Variants in IL2RB observed in about 807,000 individuals in gnomAD.
The protein encoded by IL2RB is interleukin-2 receptor subunit beta.
In IL2RB, 17 loss-of-function variants were observed where a neutral mutation model predicts 44.2. The observed-to-expected ratio is 0.38, with a 90% confidence interval of 0.26 to 0.58. IL2RB has a LOEUF of 0.58. Ranked by LOEUF, IL2RB falls within the 20% of genes least tolerant of loss-of-function variation. IL2RB has a pLI of 0.63. For missense variants in IL2RB, 624 were observed against 685.5 expected (o/e 0.91, Z 1.00); for synonymous variants, 286 against 297.9 (o/e 0.96, Z 0.41).
intron 8 of IL2RB, 90 bp from the exon 9 acceptor site, chr22:37,132,558 A>T: frequency 5.9e-6 from 5 of 847,144 alleles, no homozygotes; most frequent in Non-Finnish European, 9.7e-6. Flanking sequence ...GATGCCAGGC[A>T]CGGAGCCGCA....
chr22:37,142,536 T>C, intron 3 of IL2RB, 24 bp from the exon 4 acceptor site: 2 of 1,611,608 alleles, frequency 1.2e-6, no homozygotes, highest in Non-Finnish European at 1.7e-6. Flanking sequence ...AGACCCTCTT[T>C]AGAAGAACAG....
intron 1 of IL2RB, among the ~76,000 whole-genome samples, chr22:37,163,717 A>C (rs541382397): frequency 8.5e-5 from 13 of 152,192 alleles, no homozygotes; most frequent in Non-Finnish European, 1.2e-4. Context: ...CGGGGCTGCT[A>C]CCTGAGTGGA....
In IL2RB at chr22:37,174,365, G is replaced by A. The variant is rs562992096; in HGVS notation, c.-34+593C>T. On this transcript the variant is annotated intron_variant, in intron 1 of 5. Transcript: ENST00000429622. ...AGGTCACCATGGTAATGGTGGCTTCGGTTGTTTTTCAGGAATTGGGCCAGC... is the reference window on the plus strand; with the variant it reads ...AGGTCACCATGGTAATGGTGGCTTCAGTTGTTTTTCAGGAATTGGGCCAGC... 5.3e-5 allele frequency among the ~76,000 whole-genome samples: 8 copies of A among 152,272 alleles called. No individual in the cohort carries two copies. In the East Asian group the frequency reaches 7.7e-4, roughly 15 times the overall value.
chr22:37,144,141 G>A lies in IL2RB; in HGVS notation c.32C>T (p.Pro11Leu), dbSNP rs1453524501. The change falls in exon 2 of 10, where the codon CCC becomes CTC. Residue 11 changes from proline to leucine, a missense_variant. Pro to Leu is a moderately conservative substitution (Grantham distance 98, BLOSUM62 -3). This residue lies in a region of IL2RB where 78 missense variants were observed against 70.0 expected (regional missense o/e 1.11). Transcript: ENST00000216223. ...CAGGGGCAGGAGGAGGATGAGGAGG[G>A]GCAGACGCCAGGACAGAGCAGGGGC... MAAPALSWRLPLLILLLPLAT... is the reference protein window; with the variant it reads MAAPALSWRLLLLILLLPLAT... 6.4e-7 allele frequency: 1 copy of A among 1,552,214 alleles called. No individual in the cohort carries two copies. Among genetic ancestry groups the A allele is most frequent in the Non-Finnish European group, 8.7e-7 (1 of 1,147,252 alleles).
intron 1 of IL2RB, among the ~76,000 whole-genome samples, chr22:37,171,038 C>T (rs1435168854): frequency 6.6e-6 from 1 of 152,006 alleles, no homozygotes; most frequent in Non-Finnish European, 1.5e-5. Flanking sequence ...GGCTGGAGTG[C>T]AGTGGCACAA....
intron 1 of IL2RB, among the ~76,000 whole-genome samples, chr22:37,161,426 C>T (rs1416702460): frequency 6.6e-6 from 1 of 152,154 alleles, no homozygotes; most frequent in Non-Finnish European, 1.5e-5. Flanking sequence ...GAGTCTCCTA[C>T]CCTAACCAGT....
chr22:37,144,520 G>T (rs3218352), intron 1 of IL2RB, among the ~76,000 whole-genome samples: 5 of 152,164 alleles, frequency 3.3e-5, no homozygotes, highest in Admixed American at 3.3e-4. Flanking sequence ...CGAGGCAGAC[G>T]AATCACCTGA....
intron 9 of IL2RB, among the ~76,000 whole-genome samples, chr22:37,131,497 G>A (rs1343638696): frequency 6.6e-6 from 1 of 152,244 alleles, no homozygotes; most frequent in Non-Finnish European, 1.5e-5. Flanking sequence ...CGGAATCTGA[G>A]ATGGAGTTTA....
At chr22:37,173,237 A>C (rs1160934943) in intron 1 of IL2RB, among the ~76,000 whole-genome samples, 4 of 151,706 alleles carry the variant, frequency 2.6e-5, no homozygotes, top group African/African-American at 9.7e-5. Context: ...CTCCCTCCCA[A>C]ATTTGCTTCT....
At chr22:37,150,300 A>G (rs3218249), upstream of IL2RB, among the ~76,000 whole-genome samples, 12 of 152,140 alleles carry the variant, frequency 7.9e-5, no homozygotes, top group African/African-American at 2.4e-4. Context: ...GCTTCACACA[A>G]GCAGGTCCCT....
Position 37,144,154 on chromosome 22 carries a change from A to T in IL2RB, c.19T>A (p.Ser7Thr). Reference protein sequence around the residue: MAAPALSWRLPLLILLL... With the variant: MAAPALTWRLPLLILLL... Reference sequence around the variant, plus strand: ...AGGATGAGGAGGGGCAGACGCCAGGACAGAGCAGGGGCCGCCATTACATCC... The same window carrying T: ...AGGATGAGGAGGGGCAGACGCCAGGTCAGAGCAGGGGCCGCCATTACATCC... The change falls in exon 2 of 10, where the codon TCC becomes ACC. Residue 7 changes from serine (S) to threonine (T), a missense_variant. Around this residue, in one of 3 missense-constraint regions of IL2RB, gnomAD observed 78 missense variants for 70.0 expected, o/e 1.11. Transcript: ENST00000216223. The T allele has an allele frequency of 6.4e-7, 1 of 1,551,814 alleles. No individual in the cohort carries two copies. Among genetic ancestry groups the T allele is most frequent in the Non-Finnish European group, 8.7e-7 (1 of 1,147,086 alleles).
chr22:37,128,147 G>A lies in IL2RB; in HGVS notation c.1605C>T (p.Ala535=), dbSNP rs1471145029. Residue 535 remains alanine (A), a synonymous_variant, in exon 10 of 10, where the codon GCC becomes GCT. Transcript: ENST00000216223. The surrounding 1 kb of genome is among the most constrained non-coding windows in gnomAD (Gnocchi z 4.5). ...CCTGGAGTTCTTGGAGGGACAAGTAGGCATCAGTGTTCAGGGGCAGGCGAG... is the reference window on the plus strand; with the variant it reads ...CCTGGAGTTCTTGGAGGGACAAGTAAGCATCAGTGTTCAGGGGCAGGCGAG... ...LNARLPLNTD[A]YLSLQELQGQ... 2 of 1,582,214 alleles carry A rather than the reference G, an allele frequency of 1.3e-6. No individual in the cohort carries two copies. Among genetic ancestry groups the A allele is most frequent in the South Asian group, 1.2e-5 (1 of 85,716 alleles).
At chr22:37,154,352 G>A (rs1922598855), upstream of IL2RB, among the ~76,000 whole-genome samples, 1 of 152,160 alleles carries the variant, frequency 6.6e-6, no homozygotes, top group South Asian at 2.1e-4. Context: ...GGAGCACGTA[G>A]GAGGGAAACC....
upstream of IL2RB, among the ~76,000 whole-genome samples, chr22:37,150,345 C>T (rs1275154695): frequency 6.6e-6 from 1 of 152,144 alleles, no homozygotes; most frequent in African/African-American, 2.4e-5. Flanking sequence ...TCCTCCCAGC[C>T]TGCAACACAC....
At position 37,126,670 on chromosome 22, in the gene IL2RB, G is replaced by C. The variant is rs1921127811; in HGVS notation, c.*1426C>G. The C allele has an allele frequency of 6.6e-6, 1 of 152,358 alleles. No individual in the cohort carries two copies. Among genetic ancestry groups the C allele is most frequent in the South Asian group, 2.1e-4 (1 of 4,832 alleles). The allele number at this position is 152,358 out of a possible 1,614,324, so 9.4% of individuals were successfully genotyped here. The stretch of plus-strand genomic sequence containing the variant: ...AAGGCCTGTAAGTGCAGGTGCCTGA[G>C]GGCTCCCAGGTCAGAGTTAGCTGGG... On this transcript the variant is annotated 3_prime_UTR_variant, in exon 10 of 10. Coordinates refer to ENST00000216223, the MANE Select transcript of IL2RB (RefSeq NM_000878.5).
intron 1 of IL2RB, among the ~76,000 whole-genome samples, chr22:37,165,981 C>T (rs139709361): frequency 1.0e-3 from 155 of 152,322 alleles, no homozygotes; most frequent in Non-Finnish European, 1.2e-3. Flanking sequence ...CTGGTGTGCA[C>T]GTGTGTGTGT....
At chr22:37,130,904 C>T (rs780163335) in intron 9 of IL2RB, among the ~76,000 whole-genome samples, 11 of 152,192 alleles carry the variant, frequency 7.2e-5, no homozygotes, top group Non-Finnish European at 1.0e-4. Flanking sequence ...CGGTGGCGCA[C>T]GCCTGTAATC....
chr22:37,142,059 C>A (rs1001724577), intron 4 of IL2RB, among the ~76,000 whole-genome samples: 3 of 152,166 alleles, frequency 2.0e-5, no homozygotes, highest in Middle Eastern at 3.2e-3. Context: ...CTTCACCCCC[C>A]ACACTGCACT....
chr22:37,147,447 G>A (rs922185565), intron 1 of IL2RB, among the ~76,000 whole-genome samples: 12 of 152,198 alleles, frequency 7.9e-5, no homozygotes, highest in African/African-American at 1.2e-4. Flanking sequence ...AATAATACTC[G>A]TTCTGTGTAC....
Sources: allele counts gnomAD v4.1 joint callset (sites outside exome capture counted in the v4.1 genomes callset), GRCh38; gene constraint gnomAD v4.1.1; regional missense constraint gnomAD v4.1.1; non-coding constraint Gnocchi (gnomAD v3.1); transcripts MANE v1.5; gene names NCBI Gene and HGNC (gene_info 2026-07-23, HGNC 2026-07-21).